Variants in ADGRB3 observed in about 807,000 individuals in gnomAD.
The protein encoded by ADGRB3 is brain-specific angiogenesis inhibitor 3.
A neutral mutation model predicts 193.4 loss-of-function variants in ADGRB3; 37 were observed. The ratio of observed to expected loss-of-function variants is 0.19; its 90% CI spans 0.15 to 0.25. The LOEUF is 0.25. ADGRB3 is among the 10% of genes least tolerant of loss of function. The pLI is 1.00. For missense variants in ADGRB3, 1,637 were observed against 1,852.9 expected (o/e 0.88, Z 2.14); for synonymous variants, 690 against 644.2 (o/e 1.07, Z -1.08).
chr6:69,040,591 G>C (rs1771026919), intron 13 of ADGRB3, among the ~76,000 whole-genome samples: 1 of 135,946 alleles, frequency 7.4e-6, no homozygotes, highest in South Asian at 2.4e-4. Context: ...GGAGAGCACT[G>C]AAGTCTAGCA....
chr6:69,039,957 G>A (rs959788599), intron 13 of ADGRB3, among the ~76,000 whole-genome samples: 3 of 151,952 alleles, frequency 2.0e-5, no homozygotes, highest in African/African-American at 7.3e-5. Context: ...AGCCAGGATG[G>A]TCTCGATCTC....
chr6:68,645,775 C>A (rs573595072), intron 3 of ADGRB3, among the ~76,000 whole-genome samples: 1 of 152,058 alleles, frequency 6.6e-6, no homozygotes. Flanking sequence ...AGAGTTCAAG[C>A]GATTCTCCTG....
chr6:68,780,009 G>C (rs1766823593), intron 3 of ADGRB3, among the ~76,000 whole-genome samples: 1 of 151,998 alleles, frequency 6.6e-6, no homozygotes. Flanking sequence ...TCAGAGAAAA[G>C]TATACATATA....
intron 3 of ADGRB3, among the ~76,000 whole-genome samples, chr6:68,687,426 T>G (rs1045075121): frequency 1.5e-4 from 23 of 152,160 alleles, no homozygotes; most frequent in African/African-American, 5.5e-4. Flanking sequence ...AATAATTTAT[T>G]ATAACATGTC....
At chr6:68,961,489 A>C (rs1018799227) in intron 8 of ADGRB3, among the ~76,000 whole-genome samples, 4 of 152,178 alleles carry the variant, frequency 2.6e-5, no homozygotes, top group African/African-American at 9.6e-5. Flanking sequence ...TCATGGAGGA[A>C]GATGAGGTCT....
intron 12 of ADGRB3, among the ~76,000 whole-genome samples, chr6:69,017,387 G>C (rs926305981): frequency 1.1e-4 from 16 of 151,842 alleles, no homozygotes; most frequent in African/African-American, 3.9e-4. Flanking sequence ...GTGCTGAATG[G>C]CCACAAGAAA....
At chr6:69,108,959 A>T (rs556513801) in intron 17 of ADGRB3, among the ~76,000 whole-genome samples, 2 of 152,320 alleles carry the variant, frequency 1.3e-5, no homozygotes, top group African/African-American at 2.4e-5. Flanking sequence ...AAGAATAGGT[A>T]TAAACTGGAA....
intron 3 of ADGRB3, among the ~76,000 whole-genome samples, chr6:68,917,571 C>CT (rs1766918342): frequency 2.0e-5 from 3 of 152,096 alleles, no homozygotes; most frequent in Admixed American, 2.0e-4. Context: ...GCTTAGGGTA[C>CT]TAATAACTCA....
At chr6:68,651,219 A>AT (rs572307516) in intron 3 of ADGRB3, among the ~76,000 whole-genome samples, 145 of 152,240 alleles carry the variant, frequency 9.5e-4, no homozygotes, top group African/African-American at 3.4e-3. Flanking sequence ...CAAACTGTAT[A>AT]TTTTTTAAGT....
chr6:68,718,443 A>G (rs945444269), intron 3 of ADGRB3, among the ~76,000 whole-genome samples: 5 of 151,878 alleles, frequency 3.3e-5, no homozygotes, highest in Middle Eastern at 3.4e-3. Flanking sequence ...ACTGCCTCCT[A>G]CTAACATATG....
At chr6:69,185,992 T>C (rs1765058598) in intron 17 of ADGRB3, among the ~76,000 whole-genome samples, 1 of 152,020 alleles carries the variant, frequency 6.6e-6, no homozygotes, top group Non-Finnish European at 1.5e-5. Flanking sequence ...GAGCTTTAGA[T>C]TTGAAAACAC....
intron 3 of ADGRB3, among the ~76,000 whole-genome samples, chr6:68,766,220 T>C (rs1427912627): frequency 6.6e-6 from 1 of 152,044 alleles, no homozygotes; most frequent in African/African-American, 2.4e-5. Context: ...TTGTGTTAAT[T>C]CTGTTTTTCT....
chr6:68,975,682 A>G (rs1768723742), intron 10 of ADGRB3, among the ~76,000 whole-genome samples: 1 of 152,222 alleles, frequency 6.6e-6, no homozygotes, highest in African/African-American at 2.4e-5. Context: ...ATTTTAAAAT[A>G]TCATACATTT....
At position 68,725,256 on chromosome 6, in the gene ADGRB3, G is replaced by A. The variant is rs188303348; in HGVS notation, c.757+85824G>A. ...TTTGAAGGATGTTAGAGGATATATTGAGAATTTTAGGATTTATCCCACATA... is the reference window on the plus strand; with the variant it reads ...TTTGAAGGATGTTAGAGGATATATTAAGAATTTTAGGATTTATCCCACATA... On this transcript the variant is annotated intron_variant, in intron 3 of 31. Coordinates refer to ENST00000370598, the MANE Select transcript of ADGRB3 (RefSeq NM_001704.3). Among the ~76,000 whole-genome samples the A allele has an allele frequency of 7.2e-3, 1,091 of 151,738 alleles. 43 individuals are homozygous for A. The highest frequency in any genetic ancestry group is 0.064 in the Admixed American group (975 of 15,172).
At chr6:69,281,538 T>C (rs1158946551) in intron 20 of ADGRB3, among the ~76,000 whole-genome samples, 1 of 152,178 alleles carries the variant, frequency 6.6e-6, no homozygotes, top group Non-Finnish European at 1.5e-5. Context: ...TCTAGAGGCC[T>C]GGCTCTGGTG....
chr6:68,650,460 G>A (rs1768336958), intron 3 of ADGRB3, among the ~76,000 whole-genome samples: 1 of 151,838 alleles, frequency 6.6e-6, no homozygotes, highest in African/African-American at 2.4e-5. Flanking sequence ...TGCCCTAGAT[G>A]TTCAAAGAAA....
At chr6:68,688,934 A>G (rs1765025858) in intron 3 of ADGRB3, among the ~76,000 whole-genome samples, 2 of 151,858 alleles carry the variant, frequency 1.3e-5, no homozygotes. Context: ...TTCTTATTTT[A>G]CTCTGTCAGA....
chr6:69,036,827 G>A (rs1770886206), intron 13 of ADGRB3, among the ~76,000 whole-genome samples: 1 of 152,148 alleles, frequency 6.6e-6, no homozygotes, highest in Non-Finnish European at 1.5e-5. Flanking sequence ...GCCATGCAGA[G>A]CTTTGTAGGT....
chr6:69,117,139 C>T (rs1773557207), intron 17 of ADGRB3, among the ~76,000 whole-genome samples: 1 of 152,160 alleles, frequency 6.6e-6, no homozygotes, highest in South Asian at 2.1e-4. Flanking sequence ...TATATTTTTA[C>T]AATCTTAAAT....
Sources: allele counts gnomAD v4.1 joint callset (sites outside exome capture counted in the v4.1 genomes callset), GRCh38; gene constraint gnomAD v4.1.1; transcripts MANE v1.5; gene names NCBI Gene and HGNC (gene_info 2026-07-23, HGNC 2026-07-21).